IL1RAPL2: variants seen among roughly 807,000 people sequenced by gnomAD.
IL1RAPL2 encodes X-linked interleukin-1 receptor accessory protein-like 2.
A neutral mutation model predicts 44.1 loss-of-function variants in IL1RAPL2; 3 were observed. The observed-to-expected ratio is 0.07, with a 90% confidence interval of 0.03 to 0.18. IL1RAPL2 has a LOEUF of 0.18. IL1RAPL2 is among the 10% of genes least tolerant of loss of function. IL1RAPL2 has a pLI of 1.00. For synonymous variants in IL1RAPL2, 181 were observed against 178.8 expected (o/e 1.01, Z -0.10); for missense variants, 391 against 496.4 (o/e 0.79, Z 2.02).
chrX:105,465,786 A>G (rs2147768510), intron 5 of IL1RAPL2, among the ~76,000 whole-genome samples: 1 of 111,545 alleles, frequency 9.0e-6, no homozygotes, highest in South Asian at 3.7e-4. Flanking sequence ...AATTAACCTG[A>G]CTTTTCTGTG....
intron 2 of IL1RAPL2, among the ~76,000 whole-genome samples, chrX:104,725,888 A>G (rs983958606): frequency 9.0e-6 from 1 of 111,579 alleles, no homozygotes; most frequent in Non-Finnish European, 1.9e-5. Context: ...CTTTAGTTTA[A>G]TTAGATTCCA....
At chrX:105,211,593 C>T (rs1440761856) in intron 3 of IL1RAPL2, among the ~76,000 whole-genome samples, 2 of 111,289 alleles carry the variant, frequency 1.8e-5, no homozygotes, top group Admixed American at 1.9e-4. Context: ...TGCAACTCCC[C>T]AGCTGGTTCG....
At chrX:104,607,723 G>GA (rs762697770) in intron 1 of IL1RAPL2, among the ~76,000 whole-genome samples, 41 of 111,321 alleles carry the variant, frequency 3.7e-4, no homozygotes, top group African/African-American at 1.3e-3. Flanking sequence ...AAAAAGTCAG[G>GA]AAAAAAAAGA....
intron 6 of IL1RAPL2, among the ~76,000 whole-genome samples, chrX:105,514,149 T>C (rs1400909245): frequency 9.0e-6 from 1 of 111,181 alleles, no homozygotes; most frequent in Non-Finnish European, 1.9e-5. Context: ...CTAAGAAAAA[T>C]TGGTGTCTGG....
chrX:104,677,451 G>C lies in IL1RAPL2; in HGVS notation c.82+18456G>C, dbSNP rs747589509. Reference sequence around the variant, plus strand: ...GACCCACTTGAGGAGGCAGTCTGCCGGTTCTCAGATCTCCAGCTGCGTGCT... The same window carrying C: ...GACCCACTTGAGGAGGCAGTCTGCCCGTTCTCAGATCTCCAGCTGCGTGCT... On this transcript the variant is annotated intron_variant, in intron 2 of 10. Transcript: ENST00000372582. Among the ~76,000 whole-genome samples, 146 of 110,997 alleles carry C rather than the reference G, an allele frequency of 1.3e-3. 2 individuals carry two copies. The highest frequency in any genetic ancestry group is 7.1e-3 in the Admixed American group (75 of 10,537).
chrX:105,512,208 A>C (rs761724304), intron 6 of IL1RAPL2, among the ~76,000 whole-genome samples: 154 of 111,434 alleles, frequency 1.4e-3, no homozygotes, highest in Non-Finnish European at 2.6e-3. Context: ...GTAATTGGAC[A>C]CAGGCCCTTC....
intron 6 of IL1RAPL2, among the ~76,000 whole-genome samples, chrX:105,558,011 A>T (rs2036908184): frequency 1.8e-5 from 2 of 108,994 alleles, no homozygotes; most frequent in South Asian, 7.9e-4. Flanking sequence ...CAAACCGGTT[A>T]AAAAAAAAGG....
rs745761719 is a variant in IL1RAPL2, at chrX:105,084,795, G to GT, written c.83-110677dup. Among the ~76,000 whole-genome samples, 607 of 111,483 alleles carry GT rather than the reference G, an allele frequency of 5.4e-3. 8 individuals are homozygous for GT. Among genetic ancestry groups the GT allele is most frequent in the African/African-American group, 0.019 (586 of 30,652 alleles). ...GAGGGGCCAGAGGCAGAATGATATG[G>GT]TTTGGCTCTGTGTCTCCATCCAAAT... On this transcript the variant is annotated intron_variant, in intron 2 of 10. Coordinates refer to ENST00000372582, the MANE Select transcript of IL1RAPL2 (RefSeq NM_017416.2).
In IL1RAPL2 at chrX:105,694,595, T is replaced by C. The variant is rs188084472; in HGVS notation, c.773-22772T>C. Among the ~76,000 whole-genome samples the C allele has an allele frequency of 1.3e-3, 144 of 111,347 alleles. 1 individual carries two copies. The highest frequency in any genetic ancestry group is 4.0e-4 in the Non-Finnish European group (21 of 53,055). On this transcript the variant is annotated intron_variant, in intron 6 of 10. Transcript: ENST00000372582. ...ATTCCTGACCCATGATCTTTTCTTC[T>C]GGTTGGACTATGTTGCTTACATATC...
At chrX:105,631,038 T>A (rs762506615) in intron 6 of IL1RAPL2, among the ~76,000 whole-genome samples, 40 of 111,194 alleles carry the variant, frequency 3.6e-4, no homozygotes, top group Middle Eastern at 4.6e-3. Context: ...AATGGGAGGA[T>A]TTCATGCAAG....
At chrX:105,050,866 T>A (rs2031911353) in intron 2 of IL1RAPL2, among the ~76,000 whole-genome samples, 1 of 112,348 alleles carries the variant, frequency 8.9e-6, no homozygotes, top group Admixed American at 9.4e-5. Context: ...TGTTCAGACA[T>A]CTCTGCAGGT....
chrX:104,631,234 A>G (rs1332900072), intron 1 of IL1RAPL2, among the ~76,000 whole-genome samples: 1 of 111,971 alleles, frequency 8.9e-6, no homozygotes, highest in Non-Finnish European at 1.9e-5. Flanking sequence ...GATCCAGTCT[A>G]TCATTGTTGG....
At chrX:104,639,097 A>G (rs1314529076) in intron 1 of IL1RAPL2, among the ~76,000 whole-genome samples, 1 of 111,987 alleles carries the variant, frequency 8.9e-6, no homozygotes, top group Non-Finnish European at 1.9e-5. Flanking sequence ...TACCTTTGTC[A>G]TTATATAATG....
At chrX:105,687,988 T>C (rs1456708546) in intron 6 of IL1RAPL2, among the ~76,000 whole-genome samples, 1 of 111,797 alleles carries the variant, frequency 8.9e-6, no homozygotes, top group Non-Finnish European at 1.9e-5. Context: ...ATTATCTCAA[T>C]AGATGCAGAA....
intron 6 of IL1RAPL2, among the ~76,000 whole-genome samples, chrX:105,496,053 A>T (rs1012751169): frequency 3.6e-5 from 4 of 112,335 alleles, no homozygotes; most frequent in African/African-American, 1.3e-4. Flanking sequence ...CTTCATCTGC[A>T]TGATAAAACC....
intron 2 of IL1RAPL2, among the ~76,000 whole-genome samples, chrX:105,070,616 C>T (rs372261918): frequency 1.8e-5 from 2 of 109,978 alleles, no homozygotes; most frequent in East Asian, 2.9e-4. Flanking sequence ...ATTGCTTGAA[C>T]CCAGGAGGTG....
chrX:105,481,907 C>T (rs1262622476), intron 5 of IL1RAPL2, among the ~76,000 whole-genome samples: 1 of 112,099 alleles, frequency 8.9e-6, no homozygotes. Flanking sequence ...ACCACAGTTA[C>T]TCAGCCATCC....
intron 2 of IL1RAPL2, among the ~76,000 whole-genome samples, chrX:104,754,154 G>A (rs1452210853): frequency 2.7e-5 from 3 of 111,275 alleles, no homozygotes; most frequent in Non-Finnish European, 5.7e-5. Context: ...GATTCACTCT[G>A]CTAATGAAAC....
At chrX:105,728,150 C>T (rs1475468965) in intron 7 of IL1RAPL2, among the ~76,000 whole-genome samples, 1 of 111,525 alleles carries the variant, frequency 9.0e-6, no homozygotes, top group Non-Finnish European at 1.9e-5. Flanking sequence ...ATGAGTTTCA[C>T]TGCCCTAAAA....
Sources: gnomAD v4.1 joint callset for allele counts (sites outside exome capture counted in the v4.1 genomes callset) on GRCh38, gnomAD v4.1.1 for gene constraint, MANE v1.5 for transcripts, NCBI Gene and HGNC (gene_info 2026-07-23, HGNC 2026-07-21) for gene names.